FRAS1: variants seen among roughly 807,000 people sequenced by gnomAD.
FRAS1 encodes the protein extracellular matrix organizing protein FRAS1.
Under a neutral mutation model 435.2 loss-of-function variants are expected in FRAS1, and 290 were observed. The observed-to-expected ratio is 0.67, with a 90% CI of 0.61 to 0.73. FRAS1 has a LOEUF of 0.73. Ranked by LOEUF, FRAS1 falls within the 30% of genes least tolerant of loss-of-function variation. FRAS1 has a pLI of 0.00. For missense variants in FRAS1, 4,860 were observed against 5,001.5 expected (o/e 0.97, Z 0.85); for synonymous variants, 1,800 against 1,851.0 (o/e 0.97, Z 0.71).
intron 15 of FRAS1, among the ~76,000 whole-genome samples, chr4:78,313,505 G>A (rs1729117328): frequency 6.6e-6 from 1 of 152,132 alleles, no homozygotes; most frequent in South Asian, 2.1e-4. Flanking sequence ...GTAGCAGGAA[G>A]GTTTGCTTTT....
At chr4:78,520,577 C>T (rs1171440299) in intron 67 of FRAS1, among the ~76,000 whole-genome samples, 1 of 152,094 alleles carries the variant, frequency 6.6e-6, no homozygotes, top group Non-Finnish European at 1.5e-5. Context: ...ATAACCTATA[C>T]ATATACTCCC....
intron 12 of FRAS1, among the ~76,000 whole-genome samples, chr4:78,283,191 C>A (rs912392694): frequency 2.6e-5 from 4 of 152,168 alleles, no homozygotes; most frequent in Non-Finnish European, 5.9e-5. Flanking sequence ...AAGTCATTGA[C>A]CCTCTTTAAA....
chr4:78,117,451 T>A (rs1182439977), intron 2 of FRAS1, among the ~76,000 whole-genome samples: 2 of 152,320 alleles, frequency 1.3e-5, no homozygotes, highest in Non-Finnish European at 2.9e-5. Flanking sequence ...CCGTTCTCCC[T>A]GTCACTTTCA....
chr4:78,468,519 C>T (rs1339480438), intron 50 of FRAS1, among the ~76,000 whole-genome samples: 3 of 151,664 alleles, frequency 2.0e-5, no homozygotes, highest in Non-Finnish European at 4.4e-5. Context: ...TCATCATCAT[C>T]ATTTTAGAAC....
At position 78,526,579 on chromosome 4, in the gene FRAS1, C is replaced by T; in HGVS notation, c.10847C>T (p.Pro3616Leu). 1.2e-6 allele frequency: 2 copies of T among 1,602,248 alleles called. No homozygotes were observed. The highest frequency in any genetic ancestry group is 2.3e-5 in the South Asian group (2 of 88,034). The change falls in exon 70 of 74, where the codon CCT (proline) becomes CTT (leucine). Residue 3616 changes from proline (P) to leucine (L), a missense_variant. Transcript: ENST00000512123. The part of the protein sequence containing the change: ...YSGEYTIYLI[P>L]CTVQPTQPWV... ...GGAGAGTACACCATCTACCTGATCC[C>T]TTGCACAGTGCAGCCCACACAGCCA...
chr4:78,524,741 A>T (rs1721482183), intron 69 of FRAS1, among the ~76,000 whole-genome samples: 3 of 152,216 alleles, frequency 2.0e-5, no homozygotes, highest in African/African-American at 7.2e-5. Flanking sequence ...CAAAATAAAG[A>T]TCCCTAAGTA....
At chr4:78,299,457 C>T (rs536872022) in intron 14 of FRAS1, among the ~76,000 whole-genome samples, 73 of 152,290 alleles carry the variant, frequency 4.8e-4, no homozygotes, top group Non-Finnish European at 6.9e-4. Context: ...GGATGAAACT[C>T]GGGGTGACAG....
In FRAS1 at chr4:78,432,476, C is replaced by A; in HGVS notation, c.5089C>A (p.Leu1697Met). The change falls in exon 38 of 74, where the codon CTG becomes ATG. Residue 1697 changes from leucine to methionine, a missense_variant. Leu to Met is a conservative substitution (Grantham distance 15). Transcript: ENST00000512123. ...SVTDGLTVTMLEVRVEVSLSE... is the reference protein window; with the variant it reads ...SVTDGLTVTMMEVRVEVSLSE... ...CACAGATGGCCTCACAGTGACAATG[C>A]TGGAGGTGAGAGTAGAGGTGTCCCT... 6.2e-7 allele frequency: 1 copy of A among 1,613,326 alleles called. No individual in the cohort carries two copies. Among genetic ancestry groups the A allele is most frequent in the Non-Finnish European group, 8.5e-7 (1 of 1,179,652 alleles).
intron 29 of FRAS1, among the ~76,000 whole-genome samples, chr4:78,395,271 G>A (rs1308071561): frequency 6.6e-6 from 1 of 151,928 alleles, no homozygotes; most frequent in African/African-American, 2.4e-5. Context: ...CATCTTTTGT[G>A]GCTTAACATT....
intron 58 of FRAS1, among the ~76,000 whole-genome samples, chr4:78,483,426 G>C (rs934073632): frequency 6.6e-6 from 1 of 152,002 alleles, no homozygotes; most frequent in Non-Finnish European, 1.5e-5. Context: ...TGGATACTAG[G>C]GTTTGGTGGA....
chr4:78,259,735 G>T (rs199799162), intron 6 of FRAS1, among the ~76,000 whole-genome samples: 15,602 of 130,902 alleles, frequency 0.12, 1,188 homozygotes, highest in East Asian at 0.18. Flanking sequence ...GTCAATTTTG[G>T]CTTTTGTTGC....
At chr4:78,515,226 A>G (rs1721168692) in intron 65 of FRAS1, among the ~76,000 whole-genome samples, 1 of 152,010 alleles carries the variant, frequency 6.6e-6, no homozygotes, top group Admixed American at 6.6e-5. Context: ...AGGCATCATT[A>G]GTGACCTATT....
chr4:78,167,405 T>C (rs1350862775), intron 2 of FRAS1, among the ~76,000 whole-genome samples: 1 of 152,022 alleles, frequency 6.6e-6, no homozygotes, highest in Non-Finnish European at 1.5e-5. Flanking sequence ...ACCCCAATAT[T>C]CAGTGGGTCA....
intron 2 of FRAS1, among the ~76,000 whole-genome samples, chr4:78,131,766 A>T (rs889882933): frequency 6.6e-6 from 1 of 152,242 alleles, no homozygotes; most frequent in East Asian, 1.9e-4. Context: ...AGTGACTGGT[A>T]GCATACAATC....
intron 2 of FRAS1, among the ~76,000 whole-genome samples, chr4:78,235,513 G>A (rs1162158338): frequency 6.6e-6 from 1 of 152,186 alleles, no homozygotes; most frequent in Admixed American, 6.5e-5. Context: ...AGAAAGGAGG[G>A]AACAGGCCTT....
chr4:78,330,807 G>A (rs917619925), intron 18 of FRAS1, among the ~76,000 whole-genome samples: 2 of 152,024 alleles, frequency 1.3e-5, no homozygotes, highest in Admixed American at 6.6e-5. Flanking sequence ...TTTTAATTTC[G>A]CCTCGGTCCT....
At chr4:78,290,985 C>G (rs1161039320) in intron 14 of FRAS1, among the ~76,000 whole-genome samples, 2 of 151,728 alleles carry the variant, frequency 1.3e-5, no homozygotes, top group Non-Finnish European at 2.9e-5. Context: ...AGGCTAGTCT[C>G]AAACTCCTGA....
rs1553934032 is a variant in FRAS1, at chr4:78,249,064, C to CATATATATATATATGCATATATATAT, written c.310-3314_310-3313insGCATATATATATATATATATATATAT. 1.8e-4 allele frequency among the ~76,000 whole-genome samples: 3 copies of CATATATATATATATGCATATATATAT among 16,636 alleles called. No homozygotes were observed. The East Asian group carries it at 4.9e-3, about 27-fold the overall frequency. The allele number at this position is 16,636 out of a possible 152,430, so 10.9% of individuals were successfully genotyped here. A position where few individuals can be genotyped will look rare whatever the true frequency, so the allele number is the denominator to read the frequency against. On this transcript the variant is annotated intron_variant, in intron 4 of 73. Transcript: ENST00000512123. ...AGAACTACTGATATATATATATATGCATATATATATATATATATATATGCA... is the reference window on the plus strand; with the variant it reads ...AGAACTACTGATATATATATATATGCATATATATATATATGCATATATATATATATATATATATATATATATATGCA...
chr4:78,161,570 G>T (rs1373037983), intron 2 of FRAS1, among the ~76,000 whole-genome samples: 1 of 151,672 alleles, frequency 6.6e-6, no homozygotes, highest in Non-Finnish European at 1.5e-5. Flanking sequence ...TCTAGATAAA[G>T]TCTTCATGTT....
Sources: allele counts gnomAD v4.1 joint callset (sites outside exome capture counted in the v4.1 genomes callset), GRCh38; gene constraint gnomAD v4.1.1; transcripts MANE v1.5; gene names NCBI Gene and HGNC (gene_info 2026-07-23, HGNC 2026-07-21).